The following PTPRD variants were observed in gnomAD, a reference collection of about 807,000 sequenced individuals.
The protein encoded by PTPRD is receptor-type tyrosine-protein phosphatase delta.
A neutral mutation model predicts 214.5 loss-of-function variants in PTPRD; 34 were observed. That is an observed-to-expected ratio of 0.16 (90% CI 0.12 to 0.21). The LOEUF (loss-of-function observed/expected upper bound fraction) is 0.21, where lower values mean the gene tolerates loss of function less well. Among genes scored for constraint, PTPRD ranks in the 10% least tolerant of loss-of-function variants. The pLI is 1.00. For missense variants in PTPRD, 2,545 were observed against 2,398.7 expected, an observed-to-expected ratio of 1.06 and a Z score of -1.27; for synonymous variants, 1,128 against 845.7, an observed-to-expected ratio of 1.33 and a Z score of -5.79.
intron 3 of PTPRD, among the ~76,000 whole-genome samples, chr9:10,118,852 C>T (rs868039336): frequency 5.7e-4 from 76 of 132,752 alleles, no homozygotes; most frequent in African/African-American, 2.0e-3. Flanking sequence ...GGTAAAGAAG[C>T]TGGGAAATAC....
At chr9:8,549,604 A>C (rs180916078) in intron 14 of PTPRD, among the ~76,000 whole-genome samples, 1 of 152,338 alleles carries the variant, frequency 6.6e-6, no homozygotes, top group Admixed American at 6.5e-5. Context: ...AACATAGAGA[A>C]AAATATGTGT....
chr9:9,618,923 G>T (rs545692631), intron 7 of PTPRD, among the ~76,000 whole-genome samples: 3 of 152,064 alleles, frequency 2.0e-5, no homozygotes, highest in African/African-American at 4.8e-5. Flanking sequence ...ACCTCTGAAG[G>T]TAGTTGAGAA....
intron 3 of PTPRD, among the ~76,000 whole-genome samples, chr9:10,276,056 T>C (rs935103203): frequency 1.3e-5 from 2 of 152,214 alleles, no homozygotes; most frequent in African/African-American, 2.4e-5. Flanking sequence ...TACTAATGTT[T>C]AGCACAGGAT....
intron 8 of PTPRD, among the ~76,000 whole-genome samples, chr9:9,552,955 G>C (rs1245351815): frequency 6.6e-6 from 1 of 152,030 alleles, no homozygotes; most frequent in Non-Finnish European, 1.5e-5. Flanking sequence ...GATTTCAAAA[G>C]CTAATTTAAG....
intron 11 of PTPRD, among the ~76,000 whole-genome samples, chr9:8,847,157 T>TA (rs1288148034): frequency 6.7e-6 from 1 of 149,958 alleles, no homozygotes; most frequent in Non-Finnish European, 1.5e-5. Flanking sequence ...AAATTGAAAT[T>TA]AATATTTTCC....
rs182834110 is a variant in PTPRD, at chr9:8,316,064, G to T, written c.*1810C>A. The T allele has an allele frequency of 8.7e-6, 2 of 228,918 alleles. No homozygotes were observed. Among genetic ancestry groups the T allele is most frequent in the Non-Finnish European group, 1.7e-5 (2 of 115,170 alleles). The allele number at this position is 228,918 out of a possible 1,614,324, so 14.2% of individuals were successfully genotyped here. ...GTGCAGTTACTGCATGTTCCAGAGCGGATTTGGAAGGGAATATAAATAAAA... is the reference window on the plus strand; with the variant it reads ...GTGCAGTTACTGCATGTTCCAGAGCTGATTTGGAAGGGAATATAAATAAAA... On this transcript the variant is annotated 3_prime_UTR_variant, in exon 46 of 46. Transcript: ENST00000381196.
intron 8 of PTPRD, among the ~76,000 whole-genome samples, chr9:9,571,768 A>G (rs1426204840): frequency 6.6e-6 from 1 of 151,082 alleles, no homozygotes; most frequent in African/African-American, 2.4e-5. Context: ...ATTTTAATAG[A>G]TACATTAAAT....
intron 34 of PTPRD, among the ~76,000 whole-genome samples, chr9:8,444,827 G>T (rs2095664692): frequency 6.6e-6 from 1 of 152,108 alleles, no homozygotes; most frequent in Non-Finnish European, 1.5e-5. Flanking sequence ...GAAAGAAAGA[G>T]AAAACTTTCC....
intron 36 of PTPRD, among the ~76,000 whole-genome samples, chr9:8,395,367 A>C (rs7851088): frequency 0.21 from 31,666 of 151,992 alleles, 3,687 homozygotes; most frequent in African/African-American, 0.31. Context: ...CTCCAGAAAA[A>C]CTAGAAAACA....
intron 10 of PTPRD, among the ~76,000 whole-genome samples, chr9:9,175,247 G>C (rs553518348): frequency 1.3e-5 from 2 of 152,092 alleles, no homozygotes; most frequent in Admixed American, 1.3e-4. Context: ...TTCATCACAA[G>C]AACAATTAAC....
At chr9:9,244,407 C>A (rs2099971935) in intron 9 of PTPRD, among the ~76,000 whole-genome samples, 1 of 152,088 alleles carries the variant, frequency 6.6e-6, no homozygotes, top group Non-Finnish European at 1.5e-5. Flanking sequence ...CTACAGTAAC[C>A]AAAACACCAT....
At chr9:8,726,030 C>A (rs10116786) in intron 12 of PTPRD, among the ~76,000 whole-genome samples, 3 of 134,314 alleles carry the variant, frequency 2.2e-5, no homozygotes, top group Non-Finnish European at 4.7e-5. Context: ...CAGACAGACA[C>A]ACACACACAC....
chr9:9,321,663 G>T (rs1005182864), intron 9 of PTPRD, among the ~76,000 whole-genome samples: 1 of 151,966 alleles, frequency 6.6e-6, no homozygotes, highest in Non-Finnish European at 1.5e-5. Context: ...TAGCTTCAGA[G>T]ATTGACCATT....
intron 2 of PTPRD, among the ~76,000 whole-genome samples, chr9:10,494,068 T>A (rs962551678): frequency 6.6e-6 from 1 of 151,966 alleles, no homozygotes; most frequent in Non-Finnish European, 1.5e-5. Flanking sequence ...AGCAGTAGAT[T>A]TTGCTGGTAA....
chr9:9,947,396 T>TTA (rs2092783624), intron 4 of PTPRD, among the ~76,000 whole-genome samples: 2 of 42,286 alleles, frequency 4.7e-5, no homozygotes, highest in African/African-American at 2.5e-4. Context: ...TATATACATA[T>TTA]TATATATAAT....
chr9:8,875,108 T>G (rs10977330), intron 11 of PTPRD, among the ~76,000 whole-genome samples: 1 of 151,822 alleles, frequency 6.6e-6, no homozygotes, highest in Non-Finnish European at 1.5e-5. Flanking sequence ...AATCCCCCTT[T>G]AAAGTTTTGG....
At chr9:9,481,891 T>C (rs1236901213) in intron 8 of PTPRD, among the ~76,000 whole-genome samples, 4 of 152,170 alleles carry the variant, frequency 2.6e-5, no homozygotes, top group Non-Finnish European at 4.4e-5. Context: ...CAGTTTTTAT[T>C]GCATTTTATC....
intron 8 of PTPRD, among the ~76,000 whole-genome samples, chr9:9,541,470 C>A (rs1222140177): frequency 6.6e-6 from 1 of 151,772 alleles, no homozygotes; most frequent in African/African-American, 2.4e-5. Flanking sequence ...GAAACCTCAA[C>A]AAATATCATG....
chr9:10,318,471 G>A (rs191468304), intron 3 of PTPRD, among the ~76,000 whole-genome samples: 10 of 152,116 alleles, frequency 6.6e-5, no homozygotes, highest in Admixed American at 2.0e-4. Flanking sequence ...GGCCTTACCC[G>A]TGCCTCTTAG....
Sources: allele counts gnomAD v4.1 joint callset (sites outside exome capture counted in the v4.1 genomes callset), GRCh38; gene constraint gnomAD v4.1.1; transcripts MANE v1.5; gene names NCBI Gene and HGNC (gene_info 2026-07-23, HGNC 2026-07-21).